The following AK5 variants were observed in gnomAD, a reference collection of about 807,000 sequenced individuals.
AK5 encodes the protein adenylate kinase 5.
In AK5, 27 loss-of-function variants were observed where a neutral mutation model predicts 69.5. That is an observed-to-expected ratio of 0.39 (90% CI 0.29 to 0.54). The LOEUF is 0.54. Among genes scored for constraint, AK5 ranks in the 20% least tolerant of loss-of-function variants. The pLI is 0.71. For missense variants in AK5, 531 were observed against 700.4 expected, an observed-to-expected ratio of 0.76 and a Z score of 2.73; for synonymous variants, 260 against 244.4, an observed-to-expected ratio of 1.06 and a Z score of -0.60.
intron 6 of AK5, among the ~76,000 whole-genome samples, chr1:77,357,725 C>T (rs1320858826): frequency 6.6e-6 from 1 of 152,176 alleles, no homozygotes. Context: ...ATGACTAAAT[C>T]AGAAGACAAC....
At chr1:77,283,375 G>A (rs1186482165) in intron 1 of AK5, 2 of 985,342 alleles carry the variant, frequency 2.0e-6, no homozygotes, top group African/African-American at 3.5e-5. Flanking sequence ...TGCAAACCTC[G>A]TTCCCCATTT....
chr1:77,305,059 GT>G (rs1420831975), intron 5 of AK5, among the ~76,000 whole-genome samples: 1 of 152,050 alleles, frequency 6.6e-6, no homozygotes, highest in Non-Finnish European at 1.5e-5. Flanking sequence ...TCTTATTGTA[GT>G]TTTGATTTGC....
chr1:77,446,138 T>C (rs928842037), intron 8 of AK5, among the ~76,000 whole-genome samples: 2 of 152,198 alleles, frequency 1.3e-5, no homozygotes, highest in African/African-American at 4.8e-5. Context: ...AATTTCACTC[T>C]TTTGCAAGTG....
At chr1:77,486,530 G>C (rs61784770) in intron 10 of AK5, among the ~76,000 whole-genome samples, 178 bp downstream of exon 10, 12 of 151,720 alleles carry the variant, frequency 7.9e-5, no homozygotes, top group Non-Finnish European at 1.0e-4. Flanking sequence ...CCCATCTCTA[G>C]TAAAAATACA....
intron 6 of AK5, among the ~76,000 whole-genome samples, chr1:77,347,049 AG>A (rs1207887545): frequency 1.3e-5 from 2 of 152,208 alleles, no homozygotes; most frequent in African/African-American, 4.8e-5. Context: ...TGTAACCAAA[AG>A]CTCCCACTAA....
intron 8 of AK5, among the ~76,000 whole-genome samples, chr1:77,444,179 ATATG>A (rs1310529220): frequency 9.4e-5 from 13 of 138,330 alleles, no homozygotes; most frequent in Non-Finnish European, 2.0e-4. Context: ...CTCTCTATAT[ATATG>A]TCAGATAAGT....
At chr1:77,425,771 A>T (rs1231437981) in intron 8 of AK5, among the ~76,000 whole-genome samples, 1 of 152,200 alleles carries the variant, frequency 6.6e-6, no homozygotes, top group Non-Finnish European at 1.5e-5. Flanking sequence ...TATACTTATG[A>T]TTCTGTATAC....
chr1:77,327,956 A>G (rs902965571), intron 5 of AK5, among the ~76,000 whole-genome samples: 5 of 152,216 alleles, frequency 3.3e-5, no homozygotes, highest in Non-Finnish European at 4.4e-5. Flanking sequence ...ACTCCCATGT[A>G]TATGAAACAA....
intron 5 of AK5, among the ~76,000 whole-genome samples, chr1:77,339,644 CTT>C (rs34298832): frequency 0.3 from 37,258 of 122,846 alleles, 4,616 homozygotes; most frequent in Middle Eastern, 0.36. Flanking sequence ...TTAGCAATAT[CTT>C]TTTTTTTTTT....
chr1:77,286,862 T>C, intron 1 of AK5, 79 bp from the exon 2 acceptor site: 1 of 778,044 alleles, frequency 1.3e-6, no homozygotes, highest in Non-Finnish European at 1.7e-6. Flanking sequence ...AATTAATTAA[T>C]TAAATTAAAT....
intron 8 of AK5, among the ~76,000 whole-genome samples, chr1:77,439,270 TGAG>T (rs1361396004): frequency 1.3e-5 from 2 of 152,082 alleles, no homozygotes; most frequent in African/African-American, 4.8e-5. Flanking sequence ...AAAGGAAAAA[TGAG>T]GAAGATTACA....
chr1:77,355,036 C>T (rs987356359), intron 6 of AK5, among the ~76,000 whole-genome samples: 3 of 152,022 alleles, frequency 2.0e-5, no homozygotes, highest in African/African-American at 4.8e-5. Context: ...TTTATTTTTT[C>T]GTTTTTTTAC....
chr1:77,408,155 A>T (rs1395047313), intron 6 of AK5, among the ~76,000 whole-genome samples: 1 of 152,158 alleles, frequency 6.6e-6, no homozygotes, highest in African/African-American at 2.4e-5. Context: ...CCAGTAATGG[A>T]ATTCCTGGGT....
chr1:77,475,407 GTA>G lies in AK5; in HGVS notation c.1060-7901_1060-7900del, dbSNP rs1350636426. On this transcript the variant is annotated intron_variant, in intron 8 of 13. Transcript: ENST00000354567. ...ATATATGTATATATATAATATATAT[GTA>G]TATATATACTATATATTATATATAT... Among the ~76,000 whole-genome samples the G allele has an allele frequency of 6.2e-3, 12 of 1,946 alleles. 1 individual carries two copies. Among genetic ancestry groups the G allele is most frequent in the Admixed American group, 0.013 (1 of 80 alleles). The allele number at this position is 1,946 out of a possible 152,430, so 1.3% of individuals were successfully genotyped here.
At chr1:77,301,134 T>G (rs1348473552) in intron 5 of AK5, among the ~76,000 whole-genome samples, 2 of 152,202 alleles carry the variant, frequency 1.3e-5, no homozygotes, top group East Asian at 3.9e-4. Flanking sequence ...TGTATTTTTC[T>G]TCTTTTGGAA....
intron 5 of AK5, among the ~76,000 whole-genome samples, chr1:77,329,361 G>A (rs1020743141): frequency 9.2e-5 from 14 of 152,080 alleles, no homozygotes; most frequent in African/African-American, 3.4e-4. Context: ...ATATAAAGAA[G>A]AGGTTAAAAC....
intron 2 of AK5, among the ~76,000 whole-genome samples, chr1:77,289,657 A>G (rs1419390089): frequency 6.6e-6 from 1 of 152,142 alleles, no homozygotes; most frequent in Non-Finnish European, 1.5e-5. Flanking sequence ...GCATGTGTCA[A>G]TAGAGAATGG....
At chr1:77,314,990 GAATA>G (rs908402323) in intron 5 of AK5, 6 of 152,094 alleles carry the variant, frequency 3.9e-5, no homozygotes, top group Non-Finnish European at 8.8e-5. Context: ...AAAGATGAAT[GAATA>G]ATGTACCCTT....
intron 10 of AK5, among the ~76,000 whole-genome samples, chr1:77,508,633 G>A (rs938261094): frequency 6.6e-6 from 1 of 152,140 alleles, no homozygotes; most frequent in Non-Finnish European, 1.5e-5. Flanking sequence ...TTGGGAGGCT[G>A]AGGTGGGTGG....
Sources: gnomAD v4.1 joint callset for allele counts (sites outside exome capture counted in the v4.1 genomes callset) on GRCh38, gnomAD v4.1.1 for gene constraint, MANE v1.5 for transcripts, NCBI Gene and HGNC (gene_info 2026-07-23, HGNC 2026-07-21) for gene names.